UBE2H: variants seen among roughly 807,000 people sequenced by gnomAD.
UBE2H encodes the protein ubiquitin-conjugating enzyme E2 H.
In UBE2H, 3 loss-of-function variants were observed where a neutral mutation model predicts 29.0. The ratio of observed to expected loss-of-function variants is 0.10; its 90% CI spans 0.05 to 0.27. UBE2H has a LOEUF of 0.27. Ranked by LOEUF, UBE2H falls within the 10% of genes least tolerant of loss-of-function variation. The pLI is 1.00. For synonymous variants in UBE2H, 69 were observed against 82.9 expected, an observed-to-expected ratio of 0.83 and a Z score of 0.91; for missense variants, 68 against 228.2, an observed-to-expected ratio of 0.30 and a Z score of 4.52.
intron 1 of UBE2H, among the ~76,000 whole-genome samples, chr7:129,936,663 T>A (rs1807535123): frequency 6.7e-6 from 1 of 150,008 alleles, no homozygotes; most frequent in African/African-American, 2.5e-5. Flanking sequence ...TCCATTAAGA[T>A]AATCCAGTTC....
chr7:129,871,597 CCAG>C (rs1806031744), intron 3 of UBE2H, among the ~76,000 whole-genome samples: 4 of 152,042 alleles, frequency 2.6e-5, no homozygotes, highest in Non-Finnish European at 4.4e-5. Context: ...GCCTGTAATC[CCAG>C]CTATTCGGGA....
At position 129,864,552 on chromosome 7, in the gene UBE2H, C is replaced by CTTT. The variant is rs757244811; in HGVS notation, c.206-5614_206-5612dup. ...CTACCAGGCATTTTCTTTTTCTTTT[C>CTTT]TTTCTTTTTTTTTTTTTTTGAGACA... On this transcript the variant is annotated intron_variant, in intron 3 of 6. Coordinates refer to ENST00000355621, the MANE Select transcript of UBE2H (RefSeq NM_003344.4). Among the ~76,000 whole-genome samples the CTTT allele has an allele frequency of 2.1e-3, 157 of 75,618 alleles. 2 individuals carry two copies. The highest frequency in any genetic ancestry group is 6.2e-3 in the Middle Eastern group (1 of 162). 49.6% of individuals were successfully genotyped at this position (75,618 alleles called of 152,430 possible). A position where few individuals can be genotyped will look rare whatever the true frequency, so the allele number is the denominator to read the frequency against.
intron 5 of UBE2H, among the ~76,000 whole-genome samples, chr7:129,848,653 T>C (rs758807020): frequency 2.0e-5 from 3 of 152,246 alleles, no homozygotes; most frequent in Non-Finnish European, 4.4e-5. Flanking sequence ...AAAGCAGCTG[T>C]TGACCTTTCA....
intron 1 of UBE2H, among the ~76,000 whole-genome samples, chr7:129,938,244 CTACAAAAATA>C (rs1191934215): frequency 1.3e-5 from 2 of 151,490 alleles, no homozygotes; most frequent in African/African-American, 4.9e-5. Context: ...AACCCTGTCT[CTACAAAAATA>C]TACAAAAATT....
At chr7:129,837,301 A>T (rs982477764) in intron 6 of UBE2H, among the ~76,000 whole-genome samples, 2 of 152,222 alleles carry the variant, frequency 1.3e-5, no homozygotes, top group Non-Finnish European at 2.9e-5. Flanking sequence ...CCAGGGACCG[A>T]GTCCTAAGTG....
At chr7:129,875,948 C>A (rs1806136890) in intron 3 of UBE2H, among the ~76,000 whole-genome samples, 1 of 152,198 alleles carries the variant, frequency 6.6e-6, no homozygotes, top group Non-Finnish European at 1.5e-5. Context: ...CTCATGCACA[C>A]CTCAACAACT....
chr7:129,928,923 C>G (rs186014072), intron 1 of UBE2H, among the ~76,000 whole-genome samples: 1 of 152,302 alleles, frequency 6.6e-6, no homozygotes, highest in Admixed American at 6.5e-5. Context: ...GCATTGAAAT[C>G]TAGTTTTCTT....
intron 3 of UBE2H, among the ~76,000 whole-genome samples, chr7:129,873,665 T>TTG (rs945778468): frequency 6.6e-6 from 1 of 151,918 alleles, no homozygotes; most frequent in Non-Finnish European, 1.5e-5. Flanking sequence ...CTCAAACCCC[T>TTG]TGTCTCCAGT....
At chr7:129,881,254 T>TA (rs374094610) in intron 1 of UBE2H, among the ~76,000 whole-genome samples, 91 of 152,336 alleles carry the variant, frequency 6.0e-4, no homozygotes, top group Middle Eastern at 3.4e-3. Flanking sequence ...GAGTCTTTGT[T>TA]TTCTCTTTGC....
intron 5 of UBE2H, among the ~76,000 whole-genome samples, chr7:129,852,466 C>CA (rs138503338): frequency 0.21 from 28,873 of 135,250 alleles, 2,947 homozygotes; most frequent in African/African-American, 0.28. Flanking sequence ...GACTCCGTCT[C>CA]AAAAAAAAAA....
intron 1 of UBE2H, among the ~76,000 whole-genome samples, chr7:129,918,003 T>G (rs1379823767): frequency 6.6e-6 from 1 of 152,190 alleles, no homozygotes; most frequent in African/African-American, 2.4e-5. Flanking sequence ...TCACATCTAT[T>G]CTTTTAAGGC....
intron 1 of UBE2H, among the ~76,000 whole-genome samples, chr7:129,891,567 G>C (rs1050819808): frequency 6.6e-6 from 1 of 152,118 alleles, no homozygotes; most frequent in African/African-American, 2.4e-5. Flanking sequence ...ACTTTGGGAG[G>C]CCAAGGTGGG....
chr7:129,915,253 A>G (rs1807020381), intron 1 of UBE2H, among the ~76,000 whole-genome samples: 1 of 152,086 alleles, frequency 6.6e-6, no homozygotes, highest in Non-Finnish European at 1.5e-5. Context: ...AATACTAAAT[A>G]CAGCCGGGCG....
chr7:129,879,468 A>T, intron 3 of UBE2H, 100 bp downstream of exon 3: 1 of 1,142,070 alleles, frequency 8.8e-7, no homozygotes, highest in South Asian at 1.3e-5. Context: ...AAATTCAATT[A>T]GACAGCCATT....
intron 3 of UBE2H, among the ~76,000 whole-genome samples, chr7:129,876,250 T>C (rs887453757): frequency 6.6e-6 from 1 of 152,154 alleles, no homozygotes; most frequent in Non-Finnish European, 1.5e-5. Context: ...GAGAAAACAA[T>C]GGGTCAGCTG....
intron 1 of UBE2H, among the ~76,000 whole-genome samples, chr7:129,931,530 A>C (rs117635885): frequency 6.6e-6 from 1 of 152,252 alleles, no homozygotes; most frequent in Non-Finnish European, 1.5e-5. Flanking sequence ...AAAAAAAACT[A>C]ATTTCCAAAA....
intron 1 of UBE2H, among the ~76,000 whole-genome samples, chr7:129,908,783 C>T (rs1449563004): frequency 6.6e-6 from 1 of 152,118 alleles, no homozygotes; most frequent in Admixed American, 6.5e-5. Flanking sequence ...TGATTATCCC[C>T]AACAAAGACT....
chr7:129,857,980 A>G (rs1178493741), intron 4 of UBE2H, among the ~76,000 whole-genome samples: 1 of 152,232 alleles, frequency 6.6e-6, no homozygotes, highest in Non-Finnish European at 1.5e-5. Flanking sequence ...TAACTGGTCT[A>G]TGTTATTTTA....
At chr7:129,860,137 G>C (rs892955292) in intron 3 of UBE2H, among the ~76,000 whole-genome samples, 5 of 152,200 alleles carry the variant, frequency 3.3e-5, no homozygotes, top group South Asian at 4.1e-4. Flanking sequence ...GCGCTACAGA[G>C]ATTGTCTCCA....
Sources: allele counts gnomAD v4.1 joint callset (sites outside exome capture counted in the v4.1 genomes callset), GRCh38; gene constraint gnomAD v4.1.1; transcripts MANE v1.5; gene names NCBI Gene and HGNC (gene_info 2026-07-23, HGNC 2026-07-21).